The following WDR7 variants were observed in gnomAD, a reference collection of about 807,000 sequenced individuals.
WDR7 encodes the protein WD repeat domain 7.
A neutral mutation model predicts 169.4 loss-of-function variants in WDR7; 46 were observed. That is an observed-to-expected ratio of 0.27 (90% confidence interval 0.21 to 0.35). The LOEUF (loss-of-function observed/expected upper bound fraction) is 0.35, where lower values mean the gene tolerates loss of function less well. WDR7 is among the 10% of genes least tolerant of loss of function. The pLI, the probability that WDR7 is intolerant of heterozygous loss-of-function variation, is 1.00. For missense variants in WDR7, 1,534 were observed against 1,859.3 expected (o/e 0.83, Z 3.22); for synonymous variants, 612 against 666.8 (o/e 0.92, Z 1.27).
intron 20 of WDR7, among the ~76,000 whole-genome samples, chr18:56,821,724 G>A (rs148580156): frequency 2.7e-5 from 4 of 150,344 alleles, no homozygotes; most frequent in African/African-American, 7.3e-5. Flanking sequence ...GGCATGAATA[G>A]TGGCTCACAC....
At chr18:56,989,203 C>G (rs1367043533) in intron 26 of WDR7, among the ~76,000 whole-genome samples, 4 of 151,946 alleles carry the variant, frequency 2.6e-5, no homozygotes, top group Non-Finnish European at 5.9e-5. Context: ...TAAAAATATT[C>G]TGTGTCTGTA....
chr18:56,756,449 C>A, intron 14 of WDR7, 134 bp from the exon 15 acceptor site: 1 of 775,734 alleles, frequency 1.3e-6, no homozygotes, highest in Non-Finnish European at 1.9e-6. Context: ...TAGTATGTTA[C>A]TTTTCATGAT....
intron 22 of WDR7, among the ~76,000 whole-genome samples, chr18:56,933,484 C>T (rs2145681115): frequency 6.6e-6 from 1 of 152,262 alleles, no homozygotes; most frequent in Non-Finnish European, 1.5e-5. Flanking sequence ...ATAACCACAC[C>T]AACTGATAAC....
chr18:56,691,143 A>G, intron 7 of WDR7, 73 bp from the exon 8 acceptor site: 2 of 1,532,126 alleles, frequency 1.3e-6, no homozygotes, highest in South Asian at 2.6e-5. Flanking sequence ...TTTTTTTTTA[A>G]ACTTGAAATG....
At chr18:56,749,112 A>G (rs1384181516) in intron 14 of WDR7, among the ~76,000 whole-genome samples, 1 of 152,110 alleles carries the variant, frequency 6.6e-6, no homozygotes, top group African/African-American at 2.4e-5. Context: ...TACATTTAAC[A>G]TGCATCAGAA....
intron 19 of WDR7, among the ~76,000 whole-genome samples, chr18:56,794,643 A>G (rs1450510022): frequency 2.6e-5 from 4 of 152,050 alleles, no homozygotes; most frequent in Admixed American, 2.0e-4. Context: ...CAAAGCCTAC[A>G]CTACACTTTG....
intron 1 of WDR7, among the ~76,000 whole-genome samples, chr18:56,653,559 C>A (rs1426292263): frequency 2.0e-5 from 3 of 152,154 alleles, no homozygotes; most frequent in African/African-American, 7.2e-5. Flanking sequence ...GCTCATCAAC[C>A]CATATGCAAC....
At chr18:56,732,792 T>C (rs1437767632) in intron 14 of WDR7, among the ~76,000 whole-genome samples, 1 of 152,208 alleles carries the variant, frequency 6.6e-6, no homozygotes, top group Non-Finnish European at 1.5e-5. Flanking sequence ...AGGAATCTTG[T>C]AGCTGTCTCT....
At chr18:56,996,122 CTCT>C (rs1187046253) in intron 26 of WDR7, among the ~76,000 whole-genome samples, 1 of 152,132 alleles carries the variant, frequency 6.6e-6, no homozygotes, top group Non-Finnish European at 1.5e-5. Context: ...TGACTGTGAT[CTCT>C]TCTTACCCTG....
intron 26 of WDR7, among the ~76,000 whole-genome samples, chr18:56,991,143 A>ATTTTTTT (rs60092817): frequency 0.025 from 2,720 of 110,570 alleles, 259 homozygotes; most frequent in African/African-American, 0.078. Flanking sequence ...CCTTCTCCTC[A>ATTTTTTT]TTTTTTTTTT....
intron 21 of WDR7, among the ~76,000 whole-genome samples, chr18:56,900,080 G>GTATATATATATATATATA (rs772841290): frequency 9.3e-4 from 28 of 30,226 alleles, no homozygotes; most frequent in African/African-American, 1.6e-3. Context: ...GTGTGTGTGT[G>GTATATATATATATATATA]TGTATATATA....
At chr18:56,736,888 A>G (rs962481932) in intron 14 of WDR7, among the ~76,000 whole-genome samples, 2 of 152,152 alleles carry the variant, frequency 1.3e-5, no homozygotes, top group African/African-American at 4.8e-5. Flanking sequence ...TGGGAGGATA[A>G]CAGGTGGGAC....
intron 19 of WDR7, among the ~76,000 whole-genome samples, chr18:56,784,547 T>A (rs188309036): frequency 9.3e-4 from 142 of 152,332 alleles, no homozygotes; most frequent in African/African-American, 3.2e-3. Flanking sequence ...ATTTATTCCA[T>A]CTTGCTTGCT....
chr18:56,779,395 G>T, intron 17 of WDR7, 36 bp from the exon 18 acceptor site: 1 of 1,536,342 alleles, frequency 6.5e-7, no homozygotes, highest in South Asian at 1.2e-5. Flanking sequence ...ATGCCAAAAT[G>T]GTTAAAGAAT....
intron 26 of WDR7, among the ~76,000 whole-genome samples, chr18:57,014,831 G>T (rs1357161268): frequency 1.3e-5 from 2 of 151,870 alleles, no homozygotes; most frequent in Non-Finnish European, 2.9e-5. Context: ...GAAAGGAAAG[G>T]TTATAGTCAC....
chr18:56,655,629 AAAAAAAAAG>A (rs1158361937), intron 1 of WDR7, among the ~76,000 whole-genome samples: 1 of 151,668 alleles, frequency 6.6e-6, no homozygotes, highest in Non-Finnish European at 1.5e-5. Flanking sequence ...AAAAAAAAAA[AAAAAAAAAG>A]AGGAAGAAGA....
intron 21 of WDR7, among the ~76,000 whole-genome samples, chr18:56,916,711 G>A (rs2046632018): frequency 6.6e-6 from 1 of 152,076 alleles, no homozygotes; most frequent in South Asian, 2.1e-4. Flanking sequence ...AGGCACCTCT[G>A]GTATTGTATT....
At chr18:56,887,913 T>G (rs906782005) in intron 21 of WDR7, among the ~76,000 whole-genome samples, 2 of 152,234 alleles carry the variant, frequency 1.3e-5, no homozygotes, top group Non-Finnish European at 2.9e-5. Flanking sequence ...AGCTGTTACA[T>G]GTATTGTCAT....
the WDR7 span, chr18:57,035,380 A>T: frequency 6.6e-6 from 1 of 152,414 alleles, no homozygotes; most frequent in Non-Finnish European, 1.5e-5. Context: ...ACCCAGGGAA[A>T]AAGTGCTGCC....
Sources: allele counts gnomAD v4.1 joint callset (sites outside exome capture counted in the v4.1 genomes callset), GRCh38; gene constraint gnomAD v4.1.1; transcripts MANE v1.5; gene names NCBI Gene and HGNC (gene_info 2026-07-23, HGNC 2026-07-21).